The following LINGO2 variants were observed in gnomAD, a reference collection of about 807,000 sequenced individuals.
LINGO2 encodes the protein leucine rich repeat and Ig domain containing 2.
In LINGO2, 14 loss-of-function variants were observed where a neutral mutation model predicts 30.6. The ratio of observed to expected loss-of-function variants is 0.46; its 90% confidence interval spans 0.30 to 0.72. The LOEUF is 0.72. LINGO2 is among the 30% of genes least tolerant of loss of function. LINGO2 has a pLI of 0.07. For missense variants in LINGO2, 729 were observed against 751.7 expected (o/e 0.97, Z 0.35); for synonymous variants, 317 against 288.5 (o/e 1.10, Z -1.00).
intron 5 of LINGO2, among the ~76,000 whole-genome samples, chr9:27,959,599 A>G (rs1819740025): frequency 6.6e-6 from 1 of 152,138 alleles, no homozygotes; most frequent in South Asian, 2.1e-4. Context: ...TTCTAAATAT[A>G]TCATTTCTAA....
chr9:28,936,313 C>CT, the LINGO2 span, among the ~76,000 whole-genome samples: 1 of 152,162 alleles, frequency 6.6e-6, no homozygotes, highest in Non-Finnish European at 1.5e-5. Flanking sequence ...GTTGTGGTGT[C>CT]TTGCCATCAC....
intron 4 of LINGO2, among the ~76,000 whole-genome samples, chr9:28,029,761 T>G (rs1208114655): frequency 6.6e-6 from 1 of 152,162 alleles, no homozygotes; most frequent in Non-Finnish European, 1.5e-5. Flanking sequence ...TGATATTATA[T>G]AAAATAACAT....
At chr9:29,099,887 C>CCTA in the LINGO2 span, among the ~76,000 whole-genome samples, 1 of 152,044 alleles carries the variant, frequency 6.6e-6, no homozygotes, top group African/African-American at 2.4e-5. Context: ...TAGGTATATA[C>CCTA]GCCAAAGAAA....
the LINGO2 span, among the ~76,000 whole-genome samples, chr9:28,812,614 T>C: frequency 6.6e-6 from 1 of 152,186 alleles, no homozygotes; most frequent in Non-Finnish European, 1.5e-5. Context: ...CTTTCTTTTA[T>C]AAAATATCCT....
the LINGO2 span, among the ~76,000 whole-genome samples, chr9:29,003,519 T>G: frequency 1.3e-5 from 2 of 151,858 alleles, no homozygotes; most frequent in Admixed American, 6.6e-5. Context: ...ACACACACAG[T>G]AAAGAAAGAG....
rs10121849 is a variant in LINGO2 at position 28,442,251 on chromosome 9, T to A, written c.-279+33689A>T. Among the ~76,000 whole-genome samples, 546 of 152,040 alleles carry A rather than the reference T, an allele frequency of 3.6e-3. 4 individuals carry two copies. Among genetic ancestry groups the A allele is most frequent in the African/African-American group, 0.013 (533 of 41,496 alleles). Reference sequence around the variant, plus strand: ...AATACATAGCAGAAAAATAAGAAAATAGCTAGCTAAATAACAAGTAAATGA... The same window carrying A: ...AATACATAGCAGAAAAATAAGAAAAAAGCTAGCTAAATAACAAGTAAATGA... On this transcript the variant is annotated intron_variant, in intron 2 of 5. Coordinates refer to ENST00000379992, the Ensembl canonical transcript of LINGO2.
At chr9:28,049,935 T>C (rs1824595829) in intron 4 of LINGO2, among the ~76,000 whole-genome samples, 1 of 150,768 alleles carries the variant, frequency 6.6e-6, no homozygotes, top group African/African-American at 2.5e-5. Context: ...AAAAACTGTC[T>C]TGAAGCTGGA....
the LINGO2 span, among the ~76,000 whole-genome samples, chr9:29,038,504 T>C: frequency 6.6e-6 from 1 of 152,010 alleles, no homozygotes; most frequent in East Asian, 1.9e-4. Context: ...CTCACCTTTT[T>C]TCCCCACATG....
intron 4 of LINGO2, among the ~76,000 whole-genome samples, chr9:28,055,562 C>T (rs558902766): frequency 1.3e-4 from 20 of 152,084 alleles, no homozygotes; most frequent in Admixed American, 9.2e-4. Context: ...TGGAATTCTT[C>T]GTTCGAAGTG....
chr9:27,960,050 G>A (rs1210807345), intron 5 of LINGO2, among the ~76,000 whole-genome samples: 1 of 151,968 alleles, frequency 6.6e-6, no homozygotes, highest in Non-Finnish European at 1.5e-5. Flanking sequence ...AGTCATCTTT[G>A]TTGGGGTAAT....
intron 4 of LINGO2, among the ~76,000 whole-genome samples, chr9:28,033,665 C>A (rs1392059361): frequency 6.6e-6 from 1 of 152,086 alleles, no homozygotes; most frequent in East Asian, 1.9e-4. Context: ...AAAATTACTT[C>A]AAAATTTTTT....
intron 1 of LINGO2, among the ~76,000 whole-genome samples, chr9:28,503,509 G>T (rs111962866): frequency 0.011 from 1,635 of 151,848 alleles, 27 homozygotes; most frequent in African/African-American, 0.034. Flanking sequence ...AAATCAAAAG[G>T]CTTCTTTTAT....
rs556046503 is a variant in LINGO2, at chr9:28,625,270, G to A, written c.-365+44930C>T. Among the ~76,000 whole-genome samples the A allele has an allele frequency of 4.6e-5, 7 of 152,226 alleles. No homozygotes were observed. The South Asian group carries it at 1.5e-3, about 32-fold the overall frequency. ...TTTCTGCGTGACAGGATAGCACTGAGTTCAATGCCAAGTCCCTAAGTCACT... is the reference window on the plus strand; with the variant it reads ...TTTCTGCGTGACAGGATAGCACTGAATTCAATGCCAAGTCCCTAAGTCACT... On this transcript the variant is annotated intron_variant, in intron 1 of 5. Transcript: ENST00000379992.
the LINGO2 span, among the ~76,000 whole-genome samples, chr9:29,011,649 G>T: frequency 6.6e-6 from 1 of 152,178 alleles, no homozygotes; most frequent in African/African-American, 2.4e-5. Context: ...AGGTGGCCAT[G>T]ACCCCTTGGC....
intron 5 of LINGO2, among the ~76,000 whole-genome samples, chr9:27,985,753 C>A (rs771620572): frequency 6.6e-6 from 1 of 151,636 alleles, no homozygotes; most frequent in Non-Finnish European, 1.5e-5. Context: ...TGAAATTCCC[C>A]CCAACACTTC....
At chr9:28,473,311 ATTC>A (rs1564222802) in intron 2 of LINGO2, among the ~76,000 whole-genome samples, 2 of 152,162 alleles carry the variant, frequency 1.3e-5, no homozygotes, top group Middle Eastern at 3.4e-3. Context: ...AATTAATGCA[ATTC>A]TTCTAGAATT....
At chr9:28,712,952 G>A in the LINGO2 span, among the ~76,000 whole-genome samples, 67 of 151,874 alleles carry the variant, frequency 4.4e-4, 1 homozygote, top group African/African-American at 1.6e-3. Context: ...TGCAAACTCC[G>A]CCTCCCAGAT....
chr9:28,488,058 A>G lies in LINGO2; in HGVS notation c.-364-12033T>C, dbSNP rs114040129. ...TGACATCTATTTTGAATATATACAC[A>G]TTCTTTCTTACCAAACCAAATGACA... On this transcript the variant is annotated intron_variant, in intron 1 of 5. Coordinates refer to ENST00000379992, the Ensembl canonical transcript of LINGO2. 4.8e-3 allele frequency among the ~76,000 whole-genome samples: 731 copies of G among 152,300 alleles called. 6 individuals are homozygous for G. Among genetic ancestry groups the G allele is most frequent in the African/African-American group, 0.016 (686 of 41,582 alleles).
At chr9:28,766,931 C>T in the LINGO2 span, among the ~76,000 whole-genome samples, 1 of 152,024 alleles carries the variant, frequency 6.6e-6, no homozygotes, top group Non-Finnish European at 1.5e-5. Flanking sequence ...TGAAATAAGT[C>T]AGACACATAA....
Sources: allele counts gnomAD v4.1 joint callset (sites outside exome capture counted in the v4.1 genomes callset), GRCh38; gene constraint gnomAD v4.1.1; transcripts MANE v1.5; gene names NCBI Gene and HGNC (gene_info 2026-07-23, HGNC 2026-07-21).